The following PLCE1 variants were observed in gnomAD, a reference collection of about 807,000 sequenced individuals.
The protein encoded by PLCE1 is phospholipase C epsilon 1.
In PLCE1, 119 loss-of-function variants were observed where a neutral mutation model predicts 242.8. The observed-to-expected ratio is 0.49, with a 90% CI of 0.42 to 0.57. PLCE1 has a LOEUF of 0.57. Ranked by LOEUF, PLCE1 falls within the 20% of genes least tolerant of loss-of-function variation. PLCE1 has a pLI of 0.00. For missense variants in PLCE1, 2,441 were observed against 2,788.8 expected (o/e 0.88, Z 2.81); for synonymous variants, 945 against 1,017.4 (o/e 0.93, Z 1.35).
At chr10:94,292,117 A>G (rs2133438243) in intron 22 of PLCE1, among the ~76,000 whole-genome samples, 2 of 152,368 alleles carry the variant, frequency 1.3e-5, no homozygotes, top group Non-Finnish European at 2.9e-5. Context: ...GTACACAAAT[A>G]TTAAGATCAA....
intron 20 of PLCE1, among the ~76,000 whole-genome samples, chr10:94,281,667 G>A (rs530146430): frequency 2.0e-5 from 3 of 152,214 alleles, no homozygotes; most frequent in East Asian, 1.9e-4. Flanking sequence ...AAAGTTCTGC[G>A]AAGTGTTTGG....
At chr10:94,261,897 C>T (rs2051311440) in intron 13 of PLCE1, among the ~76,000 whole-genome samples, 1 of 152,066 alleles carries the variant, frequency 6.6e-6, no homozygotes, top group African/African-American at 2.4e-5. Context: ...CTCCCTAAAA[C>T]CAAAGCCTGA....
intron 2 of PLCE1, among the ~76,000 whole-genome samples, chr10:94,040,239 C>T (rs1049521421): frequency 3.9e-5 from 6 of 152,192 alleles, no homozygotes; most frequent in East Asian, 1.9e-4. Flanking sequence ...TACAGGCATG[C>T]GCCACTGTGC....
At chr10:94,054,509 G>C (rs550679875) in intron 2 of PLCE1, among the ~76,000 whole-genome samples, 105 of 152,312 alleles carry the variant, frequency 6.9e-4, no homozygotes, top group Middle Eastern at 3.4e-3. Context: ...TAAGGAGCTT[G>C]CTCCCTGAAT....
chr10:94,080,064 T>C lies in PLCE1; in HGVS notation c.1206+47812T>C, dbSNP rs528278851. On this transcript the variant is annotated intron_variant, in intron 2 of 32. Coordinates refer to ENST00000371380, the MANE Select transcript of PLCE1 (RefSeq NM_016341.4). ...TCTTGGCTTGCTAGGTTTTTATTGTTACTTTCAGCTGTCTTTCAGCCTTTT... is the reference window on the plus strand; with the variant it reads ...TCTTGGCTTGCTAGGTTTTTATTGTCACTTTCAGCTGTCTTTCAGCCTTTT... Among the ~76,000 whole-genome samples the C allele has an allele frequency of 1.1e-4, 16 of 152,352 alleles. 1 individual carries two copies. The South Asian group carries it at 3.3e-3, about 32-fold the overall frequency.
At chr10:94,183,922 A>G (rs902403441) in intron 4 of PLCE1, among the ~76,000 whole-genome samples, 2 of 152,156 alleles carry the variant, frequency 1.3e-5, no homozygotes, top group African/African-American at 4.8e-5. Context: ...AGCTATTCAT[A>G]AGGGATCCAC....
intron 4 of PLCE1, among the ~76,000 whole-genome samples, chr10:94,191,783 A>G (rs1010945273): frequency 1.3e-5 from 2 of 152,214 alleles, no homozygotes; most frequent in African/African-American, 4.8e-5. Flanking sequence ...TGTCTTTAGT[A>G]GGCAGAGCTA....
At chr10:94,141,755 G>T (rs867318783) in intron 3 of PLCE1, among the ~76,000 whole-genome samples, 1 of 152,078 alleles carries the variant, frequency 6.6e-6, no homozygotes, top group African/African-American at 2.4e-5. Context: ...TTGAAAGTTG[G>T]TTAAATCCTA....
chr10:93,999,695 C>T (rs1391600006), intron 1 of PLCE1, among the ~76,000 whole-genome samples: 2 of 152,226 alleles, frequency 1.3e-5, no homozygotes, highest in African/African-American at 4.8e-5. Flanking sequence ...CACCTCTGTT[C>T]CTGCAGCCGC....
intron 2 of PLCE1, among the ~76,000 whole-genome samples, chr10:94,043,788 A>G (rs1372639970): frequency 2.0e-5 from 3 of 152,232 alleles, no homozygotes; most frequent in Non-Finnish European, 1.5e-5. Context: ...CAAACCAAAT[A>G]TGGGCAGTGT....
intron 4 of PLCE1, among the ~76,000 whole-genome samples, chr10:94,220,757 A>G (rs1392620118): frequency 6.6e-6 from 1 of 152,088 alleles, no homozygotes; most frequent in Non-Finnish European, 1.5e-5. Flanking sequence ...ACACTCTCCA[A>G]CTTCACCCTC....
intron 4 of PLCE1, among the ~76,000 whole-genome samples, chr10:94,173,252 G>C (rs1160899300): frequency 6.6e-6 from 1 of 152,172 alleles, no homozygotes; most frequent in Non-Finnish European, 1.5e-5. Flanking sequence ...GATTGCACTG[G>C]GGGGTGGTGC....
intron 4 of PLCE1, among the ~76,000 whole-genome samples, chr10:94,206,704 G>A (rs1003022504): frequency 6.6e-6 from 1 of 152,184 alleles, no homozygotes; most frequent in Non-Finnish European, 1.5e-5. Context: ...AGCTTGAGGG[G>A]TTGGAACAGG....
chr10:94,272,064 T>G (rs1404807916), intron 18 of PLCE1, among the ~76,000 whole-genome samples: 2 of 152,170 alleles, frequency 1.3e-5, no homozygotes, highest in Non-Finnish European at 2.9e-5. Flanking sequence ...GTGTACGTAT[T>G]GTCTTGATAA....
chr10:94,195,247 C>T (rs1392416744), intron 4 of PLCE1, among the ~76,000 whole-genome samples: 1 of 152,098 alleles, frequency 6.6e-6, no homozygotes, highest in Non-Finnish European at 1.5e-5. Flanking sequence ...CTGCTCTAAC[C>T]CTGTCCAAGA....
intron 2 of PLCE1, among the ~76,000 whole-genome samples, chr10:94,071,662 C>A (rs1179316843): frequency 1.3e-5 from 2 of 151,776 alleles, no homozygotes; most frequent in Non-Finnish European, 2.9e-5. Flanking sequence ...CCATGCCCAG[C>A]TAATATTTTT....
intron 3 of PLCE1, among the ~76,000 whole-genome samples, chr10:94,136,073 A>T (rs187496714): frequency 2.0e-5 from 3 of 152,260 alleles, no homozygotes; most frequent in Non-Finnish European, 4.4e-5. Flanking sequence ...AACCTCTTCC[A>T]TAAGAGAAAA....
At chr10:94,026,546 T>A (rs7082337) in intron 1 of PLCE1, among the ~76,000 whole-genome samples, 50,796 of 152,030 alleles carry the variant, frequency 0.33, 9,447 homozygotes, top group African/African-American at 0.51. Context: ...AATGCCACTA[T>A]AACTCTAAAT....
At chr10:94,161,660 C>G (rs1369521354) in intron 3 of PLCE1, among the ~76,000 whole-genome samples, 1 of 152,178 alleles carries the variant, frequency 6.6e-6, no homozygotes, top group Non-Finnish European at 1.5e-5. Context: ...CTTCTCCTGT[C>G]TGATTACCCT....
Sources: gnomAD v4.1 joint callset for allele counts (sites outside exome capture counted in the v4.1 genomes callset) on GRCh38, gnomAD v4.1.1 for gene constraint, MANE v1.5 for transcripts, NCBI Gene and HGNC (gene_info 2026-07-23, HGNC 2026-07-21) for gene names.